The following MYO16 variants were observed in gnomAD, a reference collection of about 807,000 sequenced individuals.
MYO16 encodes the protein myosin XVI.
Under a neutral mutation model 205.3 loss-of-function variants are expected in MYO16, and 94 were observed. The observed-to-expected ratio is 0.46, with a 90% CI of 0.39 to 0.54. MYO16 has a LOEUF of 0.54. Ranked by LOEUF, MYO16 falls within the 20% of genes least tolerant of loss-of-function variation. The probability of loss-of-function intolerance (pLI) is 0.00; values close to 1 mark genes in which losing one functional copy is unlikely to be tolerated. For missense variants in MYO16, 2,315 were observed against 2,387.5 expected (o/e 0.97, Z 0.63); for synonymous variants, 988 against 954.0 (o/e 1.04, Z -0.66).
the MYO16 span, among the ~76,000 whole-genome samples, chr13:108,497,901 G>A: frequency 3.4e-4 from 51 of 152,146 alleles, no homozygotes; most frequent in Non-Finnish European, 6.5e-4. Context: ...TCTTGAAGGA[G>A]ACTGAATAAA....
chr13:108,793,764 T>G (rs553242991), intron 6 of MYO16, 124 bp downstream of exon 6: 1 of 1,160,692 alleles, frequency 8.6e-7, no homozygotes, highest in Non-Finnish European at 1.2e-6. Context: ...ACATGTCAAT[T>G]GTAGAAGTTT....
At chr13:108,647,868 T>G (rs936123283) in intron 1 of MYO16, among the ~76,000 whole-genome samples, 2 of 152,194 alleles carry the variant, frequency 1.3e-5, no homozygotes, top group African/African-American at 2.4e-5. Flanking sequence ...AATAATAGAT[T>G]TGAATGATTG....
At chr13:109,064,322 A>T (rs1158637120) in intron 27 of MYO16, among the ~76,000 whole-genome samples, 1 of 152,152 alleles carries the variant, frequency 6.6e-6, no homozygotes, top group African/African-American at 2.4e-5. Context: ...GAGGCTGGTC[A>T]CCCTTCCTGC....
rs542530263 is a variant in MYO16 at position 109,027,272 on chromosome 13, A to G, written c.2796+7361A>G. 2.6e-5 allele frequency among the ~76,000 whole-genome samples: 4 copies of G among 152,196 alleles called. No individual in the cohort carries two copies. In the South Asian group the frequency reaches 8.3e-4, roughly 32 times the overall value. Reference sequence around the variant, plus strand: ...CCTCTGTGTGTTCTCTCCTCTTCTCACAAAGATTTAATCCAGCCGGACCGC... The same window carrying G: ...CCTCTGTGTGTTCTCTCCTCTTCTCGCAAAGATTTAATCCAGCCGGACCGC... On this transcript the variant is annotated intron_variant, in intron 23 of 34. Transcript: ENST00000457511.
chr13:108,940,750 C>G (rs1882690313), intron 16 of MYO16, among the ~76,000 whole-genome samples: 1 of 152,196 alleles, frequency 6.6e-6, no homozygotes, highest in South Asian at 2.1e-4. Flanking sequence ...TGCACTGCCA[C>G]AATCAACTAT....
chr13:109,206,589 TGCCCC>T lies in MYO16; in HGVS notation c.5416-19_5416-15del, dbSNP rs1433244613. 3.8e-6 allele frequency: 6 copies of T among 1,584,500 alleles called. No homozygotes were observed. Among genetic ancestry groups the T allele is most frequent in the Admixed American group, 1.7e-5 (1 of 59,290 alleles). ...AATATTTGGTGCTACCTGTTTTTTC[TGCCCC>T]TCTTCCTCCCACAGGTAATCCATCA... On this transcript the variant is annotated splice_polypyrimidine_tract_variant and intron_variant, in intron 34 of 34. Coordinates refer to ENST00000457511, the MANE Select transcript of MYO16 (RefSeq NM_001198950.3).
intron 2 of MYO16, among the ~76,000 whole-genome samples, chr13:108,704,891 TG>T (rs1463043413): frequency 6.6e-6 from 1 of 151,224 alleles, no homozygotes; most frequent in African/African-American, 2.4e-5. Context: ...AACCAAAACT[TG>T]GCTCTTTGAA....
At chr13:108,848,454 C>A (rs1208464451) in intron 10 of MYO16, among the ~76,000 whole-genome samples, 1 of 152,172 alleles carries the variant, frequency 6.6e-6, no homozygotes, top group East Asian at 1.9e-4. Context: ...GCTTTCACTA[C>A]ATAACTAAAA....
intron 28 of MYO16, among the ~76,000 whole-genome samples, chr13:109,119,664 C>T (rs766507524): frequency 7.9e-5 from 12 of 152,150 alleles, no homozygotes; most frequent in Non-Finnish European, 1.2e-4. Context: ...AATATCAGTA[C>T]GTTTGGATAA....
At chr13:109,007,884 C>T (rs1594464588) in intron 21 of MYO16, among the ~76,000 whole-genome samples, 2 of 152,110 alleles carry the variant, frequency 1.3e-5, no homozygotes, top group East Asian at 3.9e-4. Flanking sequence ...TCTTGCCCAT[C>T]ACTAATACGC....
At chr13:108,659,281 G>T (rs1881389912) in intron 1 of MYO16, 2 of 192,136 alleles carry the variant, frequency 1.0e-5, no homozygotes, top group African/African-American at 2.5e-5. Context: ...ATATATGATA[G>T]TATACATATA....
At chr13:108,806,832 AAAT>A in intron 7 of MYO16, 28 bp downstream of exon 7, 1 of 1,404,558 alleles carries the variant, frequency 7.1e-7, no homozygotes, top group Non-Finnish European at 9.4e-7. Context: ...ATTCTTTAAA[AAAT>A]AATTTTATAT....
intron 3 of MYO16, among the ~76,000 whole-genome samples, chr13:108,716,768 A>G (rs754718090): frequency 1.1e-4 from 16 of 152,218 alleles, no homozygotes; most frequent in East Asian, 1.9e-4. Context: ...ATCAAGAATC[A>G]GCTGCAGAAA....
intron 27 of MYO16, among the ~76,000 whole-genome samples, chr13:109,056,763 A>G (rs1887430815): frequency 6.6e-6 from 1 of 152,184 alleles, no homozygotes; most frequent in Admixed American, 6.6e-5. Context: ...TAATGAGACT[A>G]TCTGTTTTTA....
intron 6 of MYO16, among the ~76,000 whole-genome samples, chr13:108,802,213 G>T (rs60431935): frequency 6.6e-6 from 1 of 151,948 alleles, no homozygotes; most frequent in Non-Finnish European, 1.5e-5. Flanking sequence ...TTGAAACTTC[G>T]AACCCTTCGA....
chr13:108,990,059 C>G (rs1407704454), intron 20 of MYO16, among the ~76,000 whole-genome samples: 1 of 151,544 alleles, frequency 6.6e-6, no homozygotes, highest in Non-Finnish European at 1.5e-5. Flanking sequence ...GTATTTAAAC[C>G]TACCCCAAGA....
intron 15 of MYO16, among the ~76,000 whole-genome samples, chr13:108,901,362 C>T (rs1880698135): frequency 6.6e-6 from 1 of 152,108 alleles, no homozygotes; most frequent in Non-Finnish European, 1.5e-5. Flanking sequence ...CATGTGATGT[C>T]TCCCCCAGAC....
rs544348027 is a variant in MYO16, at chr13:108,750,443, A to G, written c.507+22860A>G. 2.6e-5 allele frequency among the ~76,000 whole-genome samples: 4 copies of G among 152,190 alleles called. 1 individual carries two copies. Among genetic ancestry groups the G allele is most frequent in the South Asian group, 2.1e-4 (1 of 4,822 alleles). ...CATCTTTACGTAGTATTCTACTTCAAACCACAAAGTTACTTCTGGTGGAGG... is the reference window on the plus strand; with the variant it reads ...CATCTTTACGTAGTATTCTACTTCAGACCACAAAGTTACTTCTGGTGGAGG... On this transcript the variant is annotated intron_variant, in intron 4 of 34. Coordinates refer to ENST00000457511, the MANE Select transcript of MYO16 (RefSeq NM_001198950.3).
chr13:108,984,536 T>G (rs1402214218), intron 20 of MYO16, among the ~76,000 whole-genome samples: 1 of 152,214 alleles, frequency 6.6e-6, no homozygotes, highest in East Asian at 1.9e-4. Context: ...TAATCATACC[T>G]TTTCTTTGAC....
Sources: allele counts gnomAD v4.1 joint callset (sites outside exome capture counted in the v4.1 genomes callset), GRCh38; gene constraint gnomAD v4.1.1; transcripts MANE v1.5; gene names NCBI Gene and HGNC (gene_info 2026-07-23, HGNC 2026-07-21).